LRRC40: variants seen among roughly 807,000 people sequenced by gnomAD.
LRRC40 encodes the protein leucine-rich repeat-containing protein 40.
A neutral mutation model predicts 72.8 loss-of-function variants in LRRC40; 76 were observed. The ratio of observed to expected loss-of-function variants is 1.04; its 90% CI spans 0.87 to 1.26. The LOEUF (loss-of-function observed/expected upper bound fraction) is 1.26, where lower values mean the gene tolerates loss of function less well. Ranked by LOEUF, LRRC40 falls within the 50% of genes most tolerant of loss-of-function variation. The pLI, the probability that LRRC40 is intolerant of heterozygous loss-of-function variation, is 0.00. For missense variants in LRRC40, 684 were observed against 698.9 expected (o/e 0.98, Z 0.24); for synonymous variants, 243 against 254.2 (o/e 0.96, Z 0.42).
intron 9 of LRRC40, among the ~76,000 whole-genome samples, chr1:70,160,763 A>C (rs1667739362): frequency 6.6e-6 from 1 of 152,148 alleles, no homozygotes; most frequent in African/African-American, 2.4e-5. Flanking sequence ...GACTGTTGCG[A>C]GAGAGATTTC....
chr1:70,192,589 T>A (rs61785272), intron 1 of LRRC40, among the ~76,000 whole-genome samples: 30,929 of 151,822 alleles, frequency 0.2, 3,513 homozygotes, highest in South Asian at 0.39. Flanking sequence ...GACAGACTGG[T>A]TAAAGAAAAT....
chr1:70,173,603 G>T lies in LRRC40; in HGVS notation c.1065+19C>A. The T allele has an allele frequency of 6.6e-7, 1 of 1,513,090 alleles. No homozygotes were observed. Among genetic ancestry groups the T allele is most frequent in the Non-Finnish European group, 9.1e-7 (1 of 1,097,600 alleles). 93.7% of individuals were successfully genotyped at this position (1,513,090 alleles called of 1,614,324 possible). A position where few individuals can be genotyped will look rare whatever the true frequency, so the allele number is the denominator to read the frequency against. The stretch of plus-strand genomic sequence containing the variant: ...CTGAATTTCAATTTAACAAAGAGCT[G>T]AATTCCAAATATACTTACACTTATA... On this transcript the variant is annotated intron_variant, in intron 8 of 14. Transcript: ENST00000370952.
chr1:70,175,658 T>C, intron 7 of LRRC40, 152 bp downstream of exon 7: 1 of 551,158 alleles, frequency 1.8e-6, no homozygotes, highest in Non-Finnish European at 3.0e-6. Flanking sequence ...AAAACCTAAT[T>C]AATCTTTATC....
chr1:70,193,529 C>T (rs760610024), intron 1 of LRRC40, among the ~76,000 whole-genome samples: 9 of 151,962 alleles, frequency 5.9e-5, no homozygotes, highest in Non-Finnish European at 1.0e-4. Context: ...TTCTACCAGA[C>T]ATTTAGAGTA....
chr1:70,154,529 AAG>A (rs1405815685), intron 11 of LRRC40, among the ~76,000 whole-genome samples: 5 of 152,236 alleles, frequency 3.3e-5, no homozygotes, highest in African/African-American at 1.2e-4. Context: ...CCTTTAAAAC[AAG>A]AGAGAACCAG....
intron 10 of LRRC40, among the ~76,000 whole-genome samples, chr1:70,158,314 T>C (rs868381538): frequency 1.3e-5 from 2 of 152,104 alleles, no homozygotes; most frequent in Non-Finnish European, 2.9e-5. Context: ...GCTAAGAAGA[T>C]AGTTCCTACT....
At chr1:70,147,371 G>A (rs1667333964) in intron 14 of LRRC40, among the ~76,000 whole-genome samples, 1 of 152,116 alleles carries the variant, frequency 6.6e-6, no homozygotes, top group Non-Finnish European at 1.5e-5. Flanking sequence ...GTCTTCCTAA[G>A]GACAAATGTG....
chr1:70,189,195 C>G lies in LRRC40; in HGVS notation c.230G>C (p.Arg77Thr). The change falls in exon 2 of 15, where the codon AGA (arginine) becomes ACA (threonine). Residue 77 changes from arginine (R) to threonine (T), a missense_variant. Physicochemically the swap from Arg to Thr is moderately conservative, Grantham distance 71 (BLOSUM62 -1). Transcript: ENST00000370952. The part of the protein sequence containing the change: ...NQNLSFGATE[R>T]WWEQTDLTKL... Reference sequence around the variant, plus strand: ...GGTCAAATCTGTCTGCTCCCACCATCTTTCAGTAGCACCAAACGAAAGATT... The same window carrying G: ...GGTCAAATCTGTCTGCTCCCACCATGTTTCAGTAGCACCAAACGAAAGATT... The G allele has an allele frequency of 6.2e-7, 1 of 1,613,076 alleles. No homozygotes were observed. The highest frequency in any genetic ancestry group is 1.1e-5 in the South Asian group (1 of 91,058).
At chr1:70,201,546 C>T (rs1036329921) in intron 1 of LRRC40, among the ~76,000 whole-genome samples, 4 of 152,050 alleles carry the variant, frequency 2.6e-5, no homozygotes, top group African/African-American at 4.8e-5. Context: ...AACAAGGAAA[C>T]GAGCCCAATG....
At chr1:70,157,657 G>A (rs1667669479) in intron 10 of LRRC40, among the ~76,000 whole-genome samples, 1 of 152,058 alleles carries the variant, frequency 6.6e-6, no homozygotes, top group African/African-American at 2.4e-5. Flanking sequence ...CAGAAGTCAG[G>A]CATAAAAGAA....
At chr1:70,146,404 C>CT (rs1667295429) in intron 14 of LRRC40, among the ~76,000 whole-genome samples, 3 of 152,166 alleles carry the variant, frequency 2.0e-5, no homozygotes, top group South Asian at 2.1e-4. Context: ...TAATTGAATA[C>CT]TTACTTTGTG....
intron 10 of LRRC40, 37 bp downstream of exon 10, chr1:70,159,293 A>C (rs757348205): frequency 2.1e-6 from 2 of 969,194 alleles, no homozygotes; most frequent in Non-Finnish European, 3.1e-6. Context: ...GTAAGACCCT[A>C]TCTCTATAAA....
chr1:70,168,892 A>C (rs918854959), intron 9 of LRRC40, among the ~76,000 whole-genome samples: 9 of 152,244 alleles, frequency 5.9e-5, no homozygotes, highest in African/African-American at 2.2e-4. Context: ...CAACATACCA[A>C]AACGTATGAG....
At chr1:70,157,840 A>G (rs1420134859) in intron 10 of LRRC40, among the ~76,000 whole-genome samples, 1 of 152,120 alleles carries the variant, frequency 6.6e-6, no homozygotes, top group Non-Finnish European at 1.5e-5. Context: ...ATGGTGGCTT[A>G]TGCCTGTAAT....
chr1:70,159,326 A>C lies in LRRC40; in HGVS notation c.1220+4T>G. The stretch of plus-strand genomic sequence containing the variant: ...AAAAATAAAAATAATAATAAATTAC[A>C]TACCTATAGTCTAATATTTTTAATG... On this transcript the variant is annotated splice_donor_region_variant and intron_variant, in intron 10 of 14. Coordinates refer to ENST00000370952, the MANE Select transcript of LRRC40 (RefSeq NM_017768.5). 8.1e-7 allele frequency: 1 copy of C among 1,239,082 alleles called. No individual in the cohort carries two copies. Among genetic ancestry groups the C allele is most frequent in the Non-Finnish European group, 1.2e-6 (1 of 867,272 alleles). 76.8% of individuals were successfully genotyped at this position (1,239,082 alleles called of 1,614,324 possible).
intron 1 of LRRC40, among the ~76,000 whole-genome samples, chr1:70,201,882 C>T (rs1402637343): frequency 6.6e-6 from 1 of 152,078 alleles, no homozygotes; most frequent in Non-Finnish European, 1.5e-5. Context: ...GAGGCTGAGA[C>T]GGGAGAATTG....
intron 1 of LRRC40, among the ~76,000 whole-genome samples, chr1:70,196,518 C>T (rs1668615057): frequency 6.6e-6 from 1 of 151,938 alleles, no homozygotes; most frequent in Non-Finnish European, 1.5e-5. Context: ...CCACTGCATG[C>T]TAGCCTGGGC....
At chr1:70,190,110 G>A (rs1352361335) in intron 1 of LRRC40, among the ~76,000 whole-genome samples, 3 of 152,182 alleles carry the variant, frequency 2.0e-5, no homozygotes, top group African/African-American at 2.4e-5. Context: ...TAGTGTTGTA[G>A]CAAAACTATT....
intron 5 of LRRC40, among the ~76,000 whole-genome samples, chr1:70,179,513 G>A (rs558545055): frequency 1.1e-3 from 162 of 152,192 alleles, no homozygotes; most frequent in African/African-American, 3.7e-3. Flanking sequence ...TAAAAATAAA[G>A]TTCTGGTACT....
Sources: allele counts gnomAD v4.1 joint callset (sites outside exome capture counted in the v4.1 genomes callset), GRCh38; gene constraint gnomAD v4.1.1; transcripts MANE v1.5; gene names NCBI Gene and HGNC (gene_info 2026-07-23, HGNC 2026-07-21).